SERPINA5: variants seen among roughly 807,000 people sequenced by gnomAD.
SERPINA5 encodes plasma serine protease inhibitor.
SERPINA5 carries 25 observed loss-of-function variants against 25.3 expected under a neutral mutation model. The ratio of observed to expected loss-of-function variants is 0.99; its 90% CI spans 0.72 to 1.38. SERPINA5 has a LOEUF of 1.38. Ranked by LOEUF, SERPINA5 falls within the 40% of genes most tolerant of loss-of-function variation. The pLI, the probability that SERPINA5 is intolerant of heterozygous loss-of-function variation, is 0.00. For missense variants in SERPINA5, 599 were observed against 509.5 expected (o/e 1.18, Z -1.69); for synonymous variants, 234 against 206.2 (o/e 1.14, Z -1.16).
At chr14:94,585,075 AAGAGGAGGCAGGACTCTGC>A (rs1050699174) in intron 2 of SERPINA5, among the ~76,000 whole-genome samples, 9 of 152,202 alleles carry the variant, frequency 5.9e-5, no homozygotes, top group East Asian at 1.9e-4. Context: ...CAGCCAGGAA[AAGAGGAGGCAGGACTCTGC>A]AGAGGAGGCA....
chr14:94,589,387 G>A (rs1885202454), intron 3 of SERPINA5, among the ~76,000 whole-genome samples: 1 of 151,950 alleles, frequency 6.6e-6, no homozygotes, highest in African/African-American at 2.4e-5. Flanking sequence ...GGTGGGGGCT[G>A]TAGTGAGCCA....
At chr14:94,590,010 C>G (rs769951613) in intron 3 of SERPINA5, 31 bp from the exon 4 acceptor site, 2 of 1,550,080 alleles carry the variant, frequency 1.3e-6, no homozygotes, top group Non-Finnish European at 1.7e-6. Flanking sequence ...ACACAAAATT[C>G]TTTTTCATTT....
At chr14:94,586,127 C>T (rs2069957) in intron 2 of SERPINA5, among the ~76,000 whole-genome samples, 39 of 152,178 alleles carry the variant, frequency 2.6e-4, no homozygotes, top group East Asian at 1.6e-3. Context: ...GGCACAGGAA[C>T]GGCTCTTGGG....
intron 4 of SERPINA5, 44 bp from the exon 5 acceptor site, chr14:94,590,705 C>G: frequency 6.3e-7 from 1 of 1,583,126 alleles, no homozygotes; most frequent in Non-Finnish European, 8.6e-7. Context: ...CTCAGTGTGC[C>G]AATGCCCCAG....
In SERPINA5 at chr14:94,587,425, C is replaced by T; in HGVS notation, c.63C>T (p.Arg21=). Residue 21 remains arginine (R), a synonymous_variant, in exon 3 of 6, where the codon CGC becomes CGT. Coordinates refer to ENST00000329597, the MANE Select transcript of SERPINA5 (RefSeq NM_000624.6). ...GCCCTCAGGGGGCCTCCCTTCACCGCCACCACCCCCGGGAGATGAAGAAGA... is the reference window on the plus strand; with the variant it reads ...GCCCTCAGGGGGCCTCCCTTCACCGTCACCACCCCCGGGAGATGAAGAAGA... ...LLSPQGASLH[R]HHPREMKKRV... The T allele has an allele frequency of 6.2e-7, 1 of 1,614,060 alleles. No individual in the cohort carries two copies. Among genetic ancestry groups the T allele is most frequent in the Non-Finnish European group, 8.5e-7 (1 of 1,179,982 alleles).
chr14:94,587,685 AC>A lies in SERPINA5; in HGVS notation c.324del (p.His108GlnfsTer20). The A allele has an allele frequency of 6.2e-7, 1 of 1,614,178 alleles. No individual in the cohort carries two copies. The highest frequency in any genetic ancestry group is 8.5e-7 in the Non-Finnish European group (1 of 1,180,012). On this transcript the variant is annotated frameshift_variant, in exon 3 of 6. Coordinates refer to ENST00000329597, the MANE Select transcript of SERPINA5 (RefSeq NM_000624.6). LOFTEE classifies it high-confidence loss of function. ...CAGAAAAGCTCAGAGAAGGAGCTGC[AC>A]AGAGGCTTTCAGCAGCTCCTTCAGG... is the stretch of plus-strand genomic sequence containing the variant. ...NLQKSSEKEL[H>X]RGFQQLLQEL... is the part of the protein sequence containing the mutation.
chr14:94,590,715 G>T, intron 4 of SERPINA5, 34 bp from the exon 5 acceptor site: 1 of 1,605,288 alleles, frequency 6.2e-7, no homozygotes, highest in Non-Finnish European at 8.5e-7. Context: ...CAATGCCCCA[G>T]AACAGTCTAA....
intron 3 of SERPINA5, among the ~76,000 whole-genome samples, chr14:94,589,423 G>A (rs998888078): frequency 2.0e-5 from 3 of 151,528 alleles, no homozygotes; most frequent in Non-Finnish European, 2.9e-5. Context: ...ACTCCAGCAT[G>A]GGTCACAGAG....
Position 94,582,124 on chromosome 14 carries a change from C to G in SERPINA5, c.-18+414C>G, listed in dbSNP as rs375914690. The G allele has an allele frequency of 5.3e-5, 8 of 152,170 alleles. No individual in the cohort carries two copies. The East Asian group carries it at 5.8e-4, about 11-fold the overall frequency. The allele number at this position is 152,170 out of a possible 1,614,324, so 9.4% of individuals were successfully genotyped here. On this transcript the variant is annotated intron_variant, in intron 2 of 5. Transcript: ENST00000329597. ...CTTGCCTGGAGGCTGCCACCCAGGC[C>G]GGTCATGGCAGCTGCTCATGAAGGA...
intron 2 of SERPINA5, chr14:94,582,466 A>C (rs993664250): frequency 6.6e-6 from 1 of 152,214 alleles, no homozygotes; most frequent in African/African-American, 2.4e-5. Context: ...TGTCTCAATC[A>C]AGTGGTTTTA....
chr14:94,585,849 A>G (rs1263314194), intron 2 of SERPINA5, among the ~76,000 whole-genome samples: 1 of 151,718 alleles, frequency 6.6e-6, no homozygotes, highest in African/African-American at 2.4e-5. Flanking sequence ...GAGGCCTCAG[A>G]TGGGGCTTTT....
At chr14:94,588,885 G>A (rs541903290) in intron 3 of SERPINA5, among the ~76,000 whole-genome samples, 37 of 152,246 alleles carry the variant, frequency 2.4e-4, no homozygotes, top group Middle Eastern at 3.4e-3. Flanking sequence ...TAAGGACACC[G>A]ATCCTGTTCA....
chr14:94,587,699 CA>C lies in SERPINA5; in HGVS notation c.338del (p.Gln113ArgfsTer15). 1.2e-6 allele frequency: 2 copies of C among 1,614,170 alleles called. No individual in the cohort carries two copies. The highest frequency in any genetic ancestry group is 1.7e-6 in the Non-Finnish European group (2 of 1,180,010). On this transcript the variant is annotated frameshift_variant, in exon 3 of 6. Coordinates refer to ENST00000329597, the MANE Select transcript of SERPINA5 (RefSeq NM_000624.6). LOFTEE classifies it high-confidence loss of function. ...GAAGGAGCTGCACAGAGGCTTTCAG[CA>C]GCTCCTTCAGGAACTCAACCAGCCC... The part of the protein sequence containing the change: ...SEKELHRGFQ[Q>X]LLQELNQPRD...
rs1184838167 is a variant in SERPINA5, at chr14:94,581,651, C to T, written c.-77C>T. 2 of 152,192 alleles carry T rather than the reference C, an allele frequency of 1.3e-5. No homozygotes were observed. The highest frequency in any genetic ancestry group is 4.8e-5 in the African/African-American group (2 of 41,430). 9.4% of individuals were successfully genotyped at this position (152,192 alleles called of 1,614,324 possible). ...CAAGGCAGCAGAGGTGAGTGGGTCC[C>T]CCGAGCTCTGTGACCTTATGCTCCA... is the stretch of plus-strand genomic sequence containing the variant. On this transcript the variant is annotated 5_prime_UTR_variant, in exon 2 of 6. Coordinates refer to ENST00000329597, the MANE Select transcript of SERPINA5 (RefSeq NM_000624.6).
intron 2 of SERPINA5, chr14:94,582,331 A>T (rs1400934289): frequency 1.3e-5 from 2 of 152,254 alleles, no homozygotes; most frequent in East Asian, 3.8e-4. Context: ...TACAGGCGGC[A>T]GATGCCTGAA....
At chr14:94,582,445 A>G (rs867773204) in intron 2 of SERPINA5, 1 of 152,260 alleles carries the variant, frequency 6.6e-6, no homozygotes, top group African/African-American at 2.4e-5. Context: ...CAACTTTATG[A>G]ATAGCAGTCA....
At chr14:94,583,867 T>C (rs1566836065) in intron 2 of SERPINA5, among the ~76,000 whole-genome samples, 3 of 152,130 alleles carry the variant, frequency 2.0e-5, no homozygotes, top group Admixed American at 1.3e-4. Context: ...GATGGGAGGC[T>C]CCCAGGGCTT....
intron 3 of SERPINA5, among the ~76,000 whole-genome samples, chr14:94,588,764 T>A (rs1353193473): frequency 6.6e-6 from 1 of 152,158 alleles, no homozygotes; most frequent in Non-Finnish European, 1.5e-5. Context: ...GGCTGAGAAG[T>A]CCAGGATCAA....
intron 2 of SERPINA5, among the ~76,000 whole-genome samples, chr14:94,584,813 A>C (rs10133793): frequency 0.3 from 45,280 of 152,088 alleles, 6,971 homozygotes; most frequent in South Asian, 0.34. Context: ...GTTTCTTTAG[A>C]AGCATCTCCA....
Sources: gnomAD v4.1 joint callset for allele counts (sites outside exome capture counted in the v4.1 genomes callset) on GRCh38, gnomAD v4.1.1 for gene constraint, MANE v1.5 for transcripts, NCBI Gene and HGNC (gene_info 2026-07-23, HGNC 2026-07-21) for gene names.